Variants in ZCCHC14 observed in about 807,000 individuals in gnomAD.
ZCCHC14 encodes zinc finger CCHC-type containing 14, also known as zinc finger CCHC domain-containing protein 14.
Under a neutral mutation model 85.0 loss-of-function variants are expected in ZCCHC14, and 16 were observed. That is an observed-to-expected ratio of 0.19 (90% CI 0.13 to 0.29). The LOEUF (loss-of-function observed/expected upper bound fraction) is 0.29. Ranked by LOEUF, ZCCHC14 falls within the 10% of genes least tolerant of loss-of-function variation. The pLI is 1.00. For synonymous variants in ZCCHC14, 775 were observed against 630.7 expected (o/e 1.23, Z -3.43); for missense variants, 1,303 against 1,443.5 (o/e 0.90, Z 1.58).
At chr16:87,467,864 G>C (rs1210001168) in intron 1 of ZCCHC14, among the ~76,000 whole-genome samples, 1 of 152,142 alleles carries the variant, frequency 6.6e-6, no homozygotes, top group African/African-American at 2.4e-5. Flanking sequence ...TGTTAGCCAG[G>C]ATAGTTTCAA....
chr16:87,484,542 T>C (rs1320855881), intron 1 of ZCCHC14, among the ~76,000 whole-genome samples: 1 of 152,210 alleles, frequency 6.6e-6, no homozygotes, highest in African/African-American at 2.4e-5. Flanking sequence ...AGATCCTACG[T>C]GTATCTAAGC....
At position 87,450,084 on chromosome 16, in the gene ZCCHC14, C is replaced by T. The variant is rs531626903; in HGVS notation, c.694+9924G>A. On this transcript the variant is annotated intron_variant, in intron 2 of 12. Coordinates refer to ENST00000671377, the MANE Select transcript of ZCCHC14 (RefSeq NM_015144.3). ...GAAAAAGAACAGCATTGTTTTCCAG[C>T]AGACGCCCCTTCTTCTAGGTCATAT... Among the ~76,000 whole-genome samples, 4 of 152,270 alleles carry T rather than the reference C, an allele frequency of 2.6e-5. No individual in the cohort carries two copies. In the East Asian group the frequency reaches 7.7e-4, roughly 29 times the overall value.
chr16:87,490,497 T>C (rs1567548196), intron 1 of ZCCHC14, among the ~76,000 whole-genome samples: 2 of 152,342 alleles, frequency 1.3e-5, no homozygotes, highest in South Asian at 4.1e-4. Context: ...CTGTTCAAAA[T>C]AGCTGGAGCC....
rs765311751 is a variant in ZCCHC14, at chr16:87,412,533, G to C, written c.2188C>G (p.Arg730Gly). ...GTGGATGCATGCACGACTTTGGTCC[G>C]GGGACCAAAGGAGACTGTGGGTGAC... is the stretch of plus-strand genomic sequence containing the variant. The part of the protein sequence containing the change: ...SMSPTVSFGP[R>G]TKVVHASTLD... The change falls in exon 12 of 13, where the codon CGG (arginine) becomes GGG (glycine). Residue 730 changes from arginine to glycine, a missense_variant. Arg to Gly is a moderately radical substitution (Grantham distance 125, BLOSUM62 -2). Transcript: ENST00000671377. 6.2e-7 allele frequency: 1 copy of C among 1,613,872 alleles called. No homozygotes were observed. The highest frequency in any genetic ancestry group is 8.5e-7 in the Non-Finnish European group (1 of 1,180,026).
At position 87,406,506 on chromosome 16, in the gene ZCCHC14, T is replaced by A. The variant is rs1247174874; in HGVS notation, c.*3774A>T. 6.6e-6 allele frequency: 1 copy of A among 152,602 alleles called. No individual in the cohort carries two copies. The highest frequency in any genetic ancestry group is 1.5e-5 in the Non-Finnish European group (1 of 68,024). 9.5% of individuals were successfully genotyped at this position (152,602 alleles called of 1,614,324 possible). ...GGCTCAAAAATGGGAGAATTTTCCT[T>A]CATTCCTAAAAAGAAAATATGTCCA... On this transcript the variant is annotated 3_prime_UTR_variant, in exon 13 of 13. Coordinates refer to ENST00000671377, the MANE Select transcript of ZCCHC14 (RefSeq NM_015144.3).
Position 87,420,764 on chromosome 16 carries a change from A to G in ZCCHC14, c.841-48T>C. The G allele has an allele frequency of 6.7e-7, 1 of 1,499,272 alleles. No homozygotes were observed. The highest frequency in any genetic ancestry group is 1.2e-5 in the South Asian group (1 of 81,080). 92.9% of individuals were successfully genotyped at this position (1,499,272 alleles called of 1,614,324 possible). ...GGAGGTGTGTCCAGACCCATCCAAC[A>G]CCAGCAGAATTCTGCTACTGCAGGA... On this transcript the variant is annotated intron_variant, in intron 4 of 12. Coordinates refer to ENST00000671377, the MANE Select transcript of ZCCHC14 (RefSeq NM_015144.3). This position sits in a 1 kb window ranked among gnomAD's most constrained non-coding sequence, Gnocchi z 5.0.
chr16:87,483,036 T>C (rs773926066), intron 1 of ZCCHC14, among the ~76,000 whole-genome samples: 11 of 151,366 alleles, frequency 7.3e-5, no homozygotes, highest in Non-Finnish European at 8.8e-5. Context: ...CTGATAAATA[T>C]AGCATTTAAA....
chr16:87,489,326 A>C (rs956440442), intron 1 of ZCCHC14, among the ~76,000 whole-genome samples: 1 of 152,242 alleles, frequency 6.6e-6, no homozygotes, highest in African/African-American at 2.4e-5. Context: ...CAGTTTTCCA[A>C]AGATGAAACA....
chr16:87,484,544 T>G (rs191581852), intron 1 of ZCCHC14, among the ~76,000 whole-genome samples: 7 of 152,334 alleles, frequency 4.6e-5, no homozygotes, highest in African/African-American at 1.7e-4. Context: ...ATCCTACGTG[T>G]ATCTAAGCGT....
In ZCCHC14 at chr16:87,410,258, G is replaced by A. The variant is rs778941861; in HGVS notation, c.*22C>T. The A allele has an allele frequency of 6.6e-6, 5 of 755,820 alleles. No individual in the cohort carries two copies. Among genetic ancestry groups the A allele is most frequent in the South Asian group, 5.7e-5 (4 of 70,058 alleles). The allele number at this position is 755,820 out of a possible 1,614,324, so 46.8% of individuals were successfully genotyped here. ...CCTTATGTCTCCATGGCTTAATAAC[G>A]TTCTGTTGCCAGAGAAAAATATCAA... On this transcript the variant is annotated 3_prime_UTR_variant, in exon 13 of 13. Transcript: ENST00000671377.
At chr16:87,456,522 G>C (rs545451269) in intron 2 of ZCCHC14, among the ~76,000 whole-genome samples, 1 of 97,654 alleles carries the variant, frequency 1.0e-5, no homozygotes, top group South Asian at 4.0e-4. Context: ...GACAGAGCAA[G>C]ACTCTGTCTC....
chr16:87,421,793 C>A (rs138711826), intron 4 of ZCCHC14, among the ~76,000 whole-genome samples: 1 of 152,258 alleles, frequency 6.6e-6, no homozygotes, highest in Non-Finnish European at 1.5e-5. Context: ...CTTCATCCTG[C>A]CCAGATGGCC....
At chr16:87,442,250 C>T (rs780613564) in intron 2 of ZCCHC14, among the ~76,000 whole-genome samples, 5 of 152,200 alleles carry the variant, frequency 3.3e-5, no homozygotes, top group African/African-American at 4.8e-5. Context: ...CGCCACAGCT[C>T]GGAAAATGGA....
intron 2 of ZCCHC14, among the ~76,000 whole-genome samples, chr16:87,454,485 T>G (rs1555522790): frequency 6.6e-6 from 1 of 152,216 alleles, no homozygotes; most frequent in Non-Finnish European, 1.5e-5. Flanking sequence ...AAAATGACAT[T>G]GTTAAAGTTA....
chr16:87,452,845 C>T (rs1191239901), intron 2 of ZCCHC14, among the ~76,000 whole-genome samples: 2 of 152,200 alleles, frequency 1.3e-5, no homozygotes, highest in Non-Finnish European at 2.9e-5. Flanking sequence ...AGTGGTGCAG[C>T]TGAAAGAAAC....
rs1459009095 is a variant in ZCCHC14 at position 87,492,430 on chromosome 16, C to T, written c.-192G>A. On this transcript the variant is annotated 5_prime_UTR_variant, in exon 1 of 13. Transcript: ENST00000671377. This position sits in a 1 kb window ranked among gnomAD's most constrained non-coding sequence, Gnocchi z 6.7. ...GGGCGGGGACCGGGGCCGGGCAAGG[C>T]TCCCGTCAGGGGCCGGCGGGCGGGC... 3 of 144,754 alleles carry T rather than the reference C, an allele frequency of 2.1e-5. 1 individual carries two copies. The highest frequency in any genetic ancestry group is 2.1e-4 in the South Asian group (1 of 4,766). 9.0% of individuals were successfully genotyped at this position (144,754 alleles called of 1,614,324 possible). A position where few individuals can be genotyped will look rare whatever the true frequency, so the allele number is the denominator to read the frequency against.
In ZCCHC14 at chr16:87,420,531, G is replaced by A. The variant is rs1909039030; in HGVS notation, c.950+76C>T. On this transcript the variant is annotated intron_variant, in intron 5 of 12. Coordinates refer to ENST00000671377, the MANE Select transcript of ZCCHC14 (RefSeq NM_015144.3). The surrounding 1 kb of genome is among the most constrained non-coding windows in gnomAD (Gnocchi z 5.0). ...GCGCATCCTCCCAGAGCTCCTTGGA[G>A]GACCACAGCATTGACCACAGGACCA... 9.7e-6 allele frequency: 12 copies of A among 1,231,944 alleles called. 1 individual carries two copies. The South Asian group carries it at 1.6e-4, about 16-fold the overall frequency. The allele number at this position is 1,231,944 out of a possible 1,614,324, so 76.3% of individuals were successfully genotyped here.
In ZCCHC14 at chr16:87,425,767, C is replaced by T. The variant is rs1157870143; in HGVS notation, c.769-1886G>A. Among the ~76,000 whole-genome samples, 7 of 152,184 alleles carry T rather than the reference C, an allele frequency of 4.6e-5. No homozygotes were observed. In the East Asian group the frequency reaches 7.7e-4, roughly 17 times the overall value. On this transcript the variant is annotated intron_variant, in intron 3 of 12. Coordinates refer to ENST00000671377, the MANE Select transcript of ZCCHC14 (RefSeq NM_015144.3). ...CTGCCGTGAAGATGGCTGTCCCCCG[C>T]GCTGCTGACAGCGTGTCTCTTTCAA...
At position 87,463,977 on chromosome 16, in the gene ZCCHC14, G is replaced by A. The variant is rs558370799; in HGVS notation, c.571-3846C>T. Among the ~76,000 whole-genome samples, 8 of 152,284 alleles carry A rather than the reference G, an allele frequency of 5.3e-5. No homozygotes were observed. In the South Asian group the frequency reaches 1.2e-3, roughly 24 times the overall value. On this transcript the variant is annotated intron_variant, in intron 1 of 12. Coordinates refer to ENST00000671377, the MANE Select transcript of ZCCHC14 (RefSeq NM_015144.3). ...TGGGACCACAGGTGCACACCAGCAC[G>A]CACAGCTGAGAGTGAGCTGCCTTGA...
Sources: gnomAD v4.1 joint callset for allele counts (sites outside exome capture counted in the v4.1 genomes callset) on GRCh38, gnomAD v4.1.1 for gene constraint, Gnocchi (gnomAD v3.1) non-coding constraint, MANE v1.5 for transcripts, NCBI Gene and HGNC (gene_info 2026-07-23, HGNC 2026-07-21) for gene names.